BMPR1B: variants seen among roughly 807,000 people sequenced by gnomAD.
The protein encoded by BMPR1B is bone morphogenetic protein receptor type-1B.
Under a neutral mutation model 59.1 loss-of-function variants are expected in BMPR1B, and 12 were observed. That is an observed-to-expected ratio of 0.20 (90% CI 0.13 to 0.33). The LOEUF (loss-of-function observed/expected upper bound fraction) is 0.33. Ranked by LOEUF, BMPR1B falls within the 10% of genes least tolerant of loss-of-function variation. BMPR1B has a pLI of 1.00. For synonymous variants in BMPR1B, 237 were observed against 207.3 expected (o/e 1.14, Z -1.23); for missense variants, 550 against 610.9 (o/e 0.90, Z 1.05).
chr4:95,061,182 CA>C (rs1174959449), intron 3 of BMPR1B, among the ~76,000 whole-genome samples: 6 of 85,626 alleles, frequency 7.0e-5, no homozygotes, highest in African/African-American at 1.7e-4. Context: ...CACACACACA[CA>C]CACACACACA....
intron 2 of BMPR1B, among the ~76,000 whole-genome samples, chr4:94,960,761 A>G (rs1337318276): frequency 6.6e-6 from 1 of 152,028 alleles, no homozygotes; most frequent in Non-Finnish European, 1.5e-5. Flanking sequence ...TTAATGATAA[A>G]AGCTCAAGAT....
intron 3 of BMPR1B, among the ~76,000 whole-genome samples, chr4:95,086,005 G>GTGTGTGTGTGTA (rs1006187226): frequency 6.6e-6 from 1 of 151,884 alleles, no homozygotes; most frequent in African/African-American, 2.4e-5. Context: ...GTGTGTGTGT[G>GTGTGTGTGTGTA]TGTGTGTAAA....
rs566510821 is a variant in BMPR1B, at chr4:94,834,081, T to G, written c.-182-41750T>G. ...TAGATGTATTATTCTGCTTGAAATA[T>G]GCAAATGTCTGAACATTGCCAGTCA... On this transcript the variant is annotated intron_variant, in intron 1 of 12. Coordinates refer to ENST00000515059, the MANE Select transcript of BMPR1B (RefSeq NM_001203.3). Among the ~76,000 whole-genome samples the G allele has an allele frequency of 7.2e-5, 11 of 152,352 alleles. No homozygotes were observed. In the South Asian group the frequency reaches 2.3e-3, roughly 32 times the overall value.
At chr4:94,898,950 G>C (rs183832663) in intron 2 of BMPR1B, among the ~76,000 whole-genome samples, 2 of 152,164 alleles carry the variant, frequency 1.3e-5, no homozygotes, top group Admixed American at 6.6e-5. Flanking sequence ...CAACTGAAAT[G>C]TATTCTCTCA....
At chr4:94,979,162 A>G (rs943426526) in intron 2 of BMPR1B, among the ~76,000 whole-genome samples, 1 of 152,132 alleles carries the variant, frequency 6.6e-6, no homozygotes, top group Admixed American at 6.5e-5. Context: ...CGTGGGGATT[A>G]TGAGAGCTAC....
At chr4:95,035,381 A>AT (rs1382625572) in intron 3 of BMPR1B, among the ~76,000 whole-genome samples, 2 of 152,106 alleles carry the variant, frequency 1.3e-5, no homozygotes, top group African/African-American at 4.8e-5. Context: ...AGTTTTTCCA[A>AT]TGTTATATTC....
At chr4:94,869,803 G>T (rs1038674836) in intron 1 of BMPR1B, among the ~76,000 whole-genome samples, 1 of 152,106 alleles carries the variant, frequency 6.6e-6, no homozygotes, top group Non-Finnish European at 1.5e-5. Context: ...CATGTTTTAT[G>T]TAAGTTTGGC....
chr4:94,903,512 T>G (rs1284617350), intron 2 of BMPR1B, among the ~76,000 whole-genome samples: 3 of 148,694 alleles, frequency 2.0e-5, no homozygotes, highest in African/African-American at 7.4e-5. Context: ...GTATATTACT[T>G]ACTTTTTTTT....
chr4:94,945,166 A>G (rs1729661308), intron 2 of BMPR1B, among the ~76,000 whole-genome samples: 1 of 152,232 alleles, frequency 6.6e-6, no homozygotes, highest in African/African-American at 2.4e-5. Flanking sequence ...ATAACTTCAC[A>G]GAATTAATAT....
At chr4:95,116,669 G>T (rs1421768876) in intron 6 of BMPR1B, among the ~76,000 whole-genome samples, 1 of 150,400 alleles carries the variant, frequency 6.6e-6, no homozygotes, top group Non-Finnish European at 1.5e-5. Context: ...AGGCTGGAGT[G>T]CATGGTGTCA....
intron 3 of BMPR1B, among the ~76,000 whole-genome samples, chr4:95,085,952 G>A (rs1729539577): frequency 6.6e-6 from 1 of 151,738 alleles, no homozygotes; most frequent in Non-Finnish European, 1.5e-5. Context: ...TTTGTTACCT[G>A]TTGACCCTCA....
intron 1 of BMPR1B, among the ~76,000 whole-genome samples, chr4:94,771,024 G>A (rs1722167244): frequency 6.6e-6 from 1 of 151,982 alleles, no homozygotes; most frequent in Non-Finnish European, 1.5e-5. Context: ...ATTATAACAC[G>A]AAATTAGGGA....
chr4:94,916,201 A>T (rs1000824178), intron 2 of BMPR1B, among the ~76,000 whole-genome samples: 3 of 152,218 alleles, frequency 2.0e-5, no homozygotes, highest in Non-Finnish European at 2.9e-5. Flanking sequence ...GTTAGGCATT[A>T]CTAAAAGATA....
intron 1 of BMPR1B, among the ~76,000 whole-genome samples, chr4:94,790,398 G>A (rs929663129): frequency 2.6e-5 from 4 of 152,190 alleles, no homozygotes; most frequent in Non-Finnish European, 4.4e-5. Flanking sequence ...ACAAAAATAA[G>A]TACTGAGTTT....
chr4:94,770,183 TTTG>T (rs1184708492), intron 1 of BMPR1B, among the ~76,000 whole-genome samples: 794 of 25,888 alleles, frequency 0.031, 75 homozygotes, highest in African/African-American at 0.085. Context: ...CGTTTCTGTG[TTTG>T]TTTTTTTTTT....
chr4:95,034,050 C>T (rs1172498708), intron 3 of BMPR1B, among the ~76,000 whole-genome samples: 2 of 152,068 alleles, frequency 1.3e-5, no homozygotes, highest in East Asian at 3.9e-4. Context: ...GATTAATTTA[C>T]ACAGGAAATA....
At chr4:94,934,690 A>G (rs146511218) in intron 2 of BMPR1B, among the ~76,000 whole-genome samples, 1 of 152,112 alleles carries the variant, frequency 6.6e-6, no homozygotes, top group African/African-American at 2.4e-5. Context: ...AGAAAATGCA[A>G]CTTTTGTGTG....
At chr4:95,115,656 C>T in intron 5 of BMPR1B, 29 bp from the exon 6 acceptor site, 1 of 1,568,310 alleles carries the variant, frequency 6.4e-7, no homozygotes, top group Non-Finnish European at 8.8e-7. Context: ...GGAAGAAACT[C>T]ACTAATAGCT....
At chr4:95,030,297 G>A (rs1724736978) in intron 3 of BMPR1B, among the ~76,000 whole-genome samples, 1 of 152,096 alleles carries the variant, frequency 6.6e-6, no homozygotes, top group African/African-American at 2.4e-5. Context: ...TTTTGTATAA[G>A]GTGTAAGGAA....
Sources: allele counts gnomAD v4.1 joint callset (sites outside exome capture counted in the v4.1 genomes callset), GRCh38; gene constraint gnomAD v4.1.1; transcripts MANE v1.5; gene names NCBI Gene and HGNC (gene_info 2026-07-23, HGNC 2026-07-21).